Variants in CAMKMT observed in about 807,000 individuals in gnomAD.
CAMKMT encodes calmodulin-lysine N-methyltransferase.
A neutral mutation model predicts 48.0 loss-of-function variants in CAMKMT; 53 were observed. That is an observed-to-expected ratio of 1.10 (90% CI 0.89 to 1.39). CAMKMT has a LOEUF of 1.39. Among genes scored for constraint, CAMKMT ranks in the 40% most tolerant of loss-of-function variants. CAMKMT has a pLI of 0.00. For synonymous variants in CAMKMT, 165 were observed against 152.3 expected, an observed-to-expected ratio of 1.08 and a Z score of -0.61; for missense variants, 428 against 402.7, an observed-to-expected ratio of 1.06 and a Z score of -0.54.
chr2:44,436,050 T>C (rs1283282642), intron 3 of CAMKMT, among the ~76,000 whole-genome samples: 1 of 118,712 alleles, frequency 8.4e-6, no homozygotes, highest in Non-Finnish European at 1.7e-5. Context: ...ATGTGCTTAA[T>C]CTAGGAATCA....
chr2:44,410,498 G>A (rs899862498), intron 3 of CAMKMT, among the ~76,000 whole-genome samples: 1 of 151,110 alleles, frequency 6.6e-6, no homozygotes, highest in Non-Finnish European at 1.5e-5. Context: ...GACTCTTTTT[G>A]TGATTTATCA....
intron 3 of CAMKMT, among the ~76,000 whole-genome samples, chr2:44,620,679 A>T (rs1005267152): frequency 1.3e-5 from 2 of 152,204 alleles, no homozygotes; most frequent in East Asian, 3.8e-4. Flanking sequence ...AATAGTTGTG[A>T]GTTATTTCAC....
chr2:44,693,026 C>A (rs1009194239), intron 3 of CAMKMT, among the ~76,000 whole-genome samples: 4 of 152,114 alleles, frequency 2.6e-5, no homozygotes, highest in Non-Finnish European at 5.9e-5. Context: ...GTTACCACCC[C>A]CTTCATCTAA....
Position 44,602,137 on chromosome 2 carries a change from C to G in CAMKMT, c.377-102146C>G, listed in dbSNP as rs191740588. Among the ~76,000 whole-genome samples the G allele has an allele frequency of 2.4e-3, 363 of 152,120 alleles. 7 individuals are homozygous for G. The highest frequency in any genetic ancestry group is 8.5e-3 in the African/African-American group (351 of 41,434). On this transcript the variant is annotated intron_variant, in intron 3 of 10. Transcript: ENST00000378494. ...CCTCCCACCTCAGCCTCTCTAGTAG[C>G]TGGGACTACAGGTGCACACCCCCAC...
At chr2:44,587,280 G>C (rs1156249261) in intron 3 of CAMKMT, among the ~76,000 whole-genome samples, 1 of 152,092 alleles carries the variant, frequency 6.6e-6, no homozygotes, top group Non-Finnish European at 1.5e-5. Context: ...GGACATGGCA[G>C]ATTTTGCTGT....
chr2:44,494,757 A>G (rs1364086842), intron 3 of CAMKMT, among the ~76,000 whole-genome samples: 3 of 152,224 alleles, frequency 2.0e-5, no homozygotes, highest in Non-Finnish European at 4.4e-5. Flanking sequence ...GATAAGGTTT[A>G]GATAGAATTA....
At chr2:44,742,698 G>T (rs750509185) in intron 7 of CAMKMT, among the ~76,000 whole-genome samples, 1 of 152,076 alleles carries the variant, frequency 6.6e-6, no homozygotes, top group Non-Finnish European at 1.5e-5. Context: ...GAACTTTTGG[G>T]CTGACTGGTA....
intron 3 of CAMKMT, among the ~76,000 whole-genome samples, chr2:44,556,086 G>A (rs1019913794): frequency 6.6e-6 from 1 of 151,960 alleles, no homozygotes; most frequent in Non-Finnish European, 1.5e-5. Context: ...CATCTTCATT[G>A]CAAAGTGAAA....
intron 3 of CAMKMT, among the ~76,000 whole-genome samples, chr2:44,493,449 AAAC>A (rs1405276581): frequency 1.7e-4 from 26 of 152,188 alleles, no homozygotes; most frequent in African/African-American, 5.1e-4. Context: ...TCTCAAGTCT[AAAC>A]AACCCCAGAG....
intron 3 of CAMKMT, chr2:44,456,459 T>A (rs1355631241): frequency 7.4e-7 from 1 of 1,348,010 alleles, no homozygotes; most frequent in African/African-American, 1.5e-5. Context: ...AGAATTATTA[T>A]ATAAATATGT....
At chr2:44,705,505 G>C in intron 4 of CAMKMT, 1 of 985,350 alleles carries the variant, frequency 1.0e-6, no homozygotes, top group African/African-American at 1.7e-5. Flanking sequence ...AATGTCACAC[G>C]TTAAGGGCTG....
intron 3 of CAMKMT, among the ~76,000 whole-genome samples, chr2:44,667,642 G>A (rs1315434157): frequency 6.6e-6 from 1 of 151,896 alleles, no homozygotes; most frequent in African/African-American, 2.4e-5. Flanking sequence ...TTCTTTCCCT[G>A]CACACCCTCT....
chr2:44,464,988 A>C (rs902814148), intron 3 of CAMKMT, among the ~76,000 whole-genome samples: 1 of 152,174 alleles, frequency 6.6e-6, no homozygotes, highest in African/African-American at 2.4e-5. Context: ...AGTGATTCCA[A>C]TTTAAAATTG....
intron 3 of CAMKMT, among the ~76,000 whole-genome samples, chr2:44,434,497 A>T (rs1200338388): frequency 6.6e-6 from 1 of 152,154 alleles, no homozygotes; most frequent in Non-Finnish European, 1.5e-5. Flanking sequence ...TTCATTGACA[A>T]TCTGACCTAA....
At position 44,362,029 on chromosome 2, in the gene CAMKMT, G is replaced by C; in HGVS notation, c.22G>C (p.Ala8Pro). 7.0e-7 allele frequency: 1 copy of C among 1,419,356 alleles called. No individual in the cohort carries two copies. The highest frequency in any genetic ancestry group is 3.0e-5 in the East Asian group (1 of 33,082). 87.9% of individuals were successfully genotyped at this position (1,419,356 alleles called of 1,614,324 possible). MESRVADAGTGETARAAG... is the reference protein window; with the variant it reads MESRVADPGTGETARAAG... ...TGAGATGGAGTCGCGAGTCGCGGAC[G>C]CTGGGACCGGCGAGACCGCGCGAGC... Residue 8 changes from alanine (A) to proline (P), a missense_variant, in exon 1 of 11, where the codon GCT becomes CCT. Ala to Pro is a conservative substitution (Grantham distance 27). Coordinates refer to ENST00000378494, the MANE Select transcript of CAMKMT (RefSeq NM_024766.5).
intron 3 of CAMKMT, among the ~76,000 whole-genome samples, chr2:44,673,471 G>A (rs1319994977): frequency 8.6e-6 from 1 of 116,842 alleles, no homozygotes; most frequent in Non-Finnish European, 1.7e-5. Flanking sequence ...GAAAGAGAGA[G>A]AGGAAGGAAG....
chr2:44,370,203 A>G (rs866334332), intron 1 of CAMKMT, among the ~76,000 whole-genome samples: 1 of 144,512 alleles, frequency 6.9e-6, no homozygotes, highest in Non-Finnish European at 1.5e-5. Context: ...GTAGGTATCT[A>G]TCCCATAGTG....
At chr2:44,596,070 G>T (rs981932032) in intron 3 of CAMKMT, among the ~76,000 whole-genome samples, 24 of 151,700 alleles carry the variant, frequency 1.6e-4, no homozygotes, top group Non-Finnish European at 2.9e-5. Context: ...AACCACCATG[G>T]CACGTATATA....
intron 3 of CAMKMT, among the ~76,000 whole-genome samples, chr2:44,429,449 C>G (rs2104532010): frequency 6.6e-6 from 1 of 152,198 alleles, no homozygotes; most frequent in East Asian, 1.9e-4. Context: ...CTTTCCTGGT[C>G]TCTATGTTAT....
Sources: allele counts gnomAD v4.1 joint callset (sites outside exome capture counted in the v4.1 genomes callset), GRCh38; gene constraint gnomAD v4.1.1; transcripts MANE v1.5; gene names NCBI Gene and HGNC (gene_info 2026-07-23, HGNC 2026-07-21).